The following PCDHA2 variants were observed in gnomAD, a reference collection of about 807,000 sequenced individuals.
PCDHA2 encodes the protein protocadherin alpha 2, also known as protocadherin alpha-2.
PCDHA2 carries 58 observed loss-of-function variants against 66.0 expected under a neutral mutation model. The observed-to-expected ratio is 0.88, with a 90% CI of 0.71 to 1.09. The LOEUF (loss-of-function observed/expected upper bound fraction) is 1.09, where lower values mean the gene tolerates loss of function less well. Ranked by LOEUF, PCDHA2 falls within the 50% of genes least tolerant of loss-of-function variation. The probability of loss-of-function intolerance (pLI) is 0.00; values close to 1 mark genes in which losing one functional copy is unlikely to be tolerated. For missense variants in PCDHA2, 1,267 were observed against 1,242.3 expected (o/e 1.02, Z -0.30); for synonymous variants, 634 against 554.0 (o/e 1.14, Z -2.03).
intron 1 of PCDHA2, among the ~76,000 whole-genome samples, chr5:140,907,411 G>T (rs1053744231): frequency 6.6e-6 from 1 of 152,192 alleles, no homozygotes; most frequent in Non-Finnish European, 1.5e-5. Flanking sequence ...GGAATACCAC[G>T]ATGGTGGATA....
At chr5:140,819,296 T>C (rs1766529850) in intron 1 of PCDHA2, among the ~76,000 whole-genome samples, 1 of 152,178 alleles carries the variant, frequency 6.6e-6, no homozygotes, top group Non-Finnish European at 1.5e-5. Context: ...ATATAGCTTA[T>C]TAAAATTTTA....
chr5:140,798,771 C>G (rs947635529), intron 1 of PCDHA2, among the ~76,000 whole-genome samples: 7 of 152,128 alleles, frequency 4.6e-5, no homozygotes, highest in Admixed American at 2.6e-4. Flanking sequence ...CTGAACTCGA[C>G]AAGTAAATGT....
In PCDHA2 at chr5:140,807,616, G is replaced by C. The variant is rs113425597; in HGVS notation, c.2388+10264G>C. On this transcript the variant is annotated intron_variant, in intron 1 of 3. Coordinates refer to ENST00000526136, the MANE Select transcript of PCDHA2 (RefSeq NM_018905.3). ...CAACACAAAAGAACCTGTCCATCGC[G>C]GAATCCAGGCCGCTTGACTCTCGGT... 3.0e-3 allele frequency: 4,880 copies of C among 1,614,130 alleles called. 118 individuals carry two copies. The African/African-American group carries it at 0.055, about 18-fold the overall frequency.
At chr5:140,964,378 T>A (rs182628269) in intron 1 of PCDHA2, among the ~76,000 whole-genome samples, 1 of 151,270 alleles carries the variant, frequency 6.6e-6, no homozygotes, top group Non-Finnish European at 1.5e-5. Context: ...GAAAGGAGAG[T>A]CCTGGTTTTT....
At position 140,850,808 on chromosome 5, in the gene PCDHA2, C is replaced by T. The variant is rs2150499098; in HGVS notation, c.2388+53456C>T. 20 of 1,598,280 alleles carry T rather than the reference C, an allele frequency of 1.3e-5. No homozygotes were observed. The South Asian group carries it at 2.2e-4, about 18-fold the overall frequency. On this transcript the variant is annotated intron_variant, in intron 1 of 3. Transcript: ENST00000526136. The stretch of plus-strand genomic sequence containing the variant: ...GTAAGCAGAAGACCGACCTCATGGC[C>T]TTCAGCCCGGGCCTTTCTCCTTGTG...
chr5:140,802,501 T>G, intron 1 of PCDHA2: 1 of 1,614,164 alleles, frequency 6.2e-7, no homozygotes, highest in Non-Finnish European at 8.5e-7. Context: ...TCGCCTTCAC[T>G]GTGGGCCACG....
chr5:140,805,293 A>G, intron 1 of PCDHA2: 1 of 1,272,316 alleles, frequency 7.9e-7, no homozygotes, highest in East Asian at 3.3e-5. Flanking sequence ...ATGGGTGAAA[A>G]TGGAATTCTT....
intron 1 of PCDHA2, chr5:140,810,885 C>T (rs1282140445): frequency 2.6e-5 from 4 of 152,064 alleles, no homozygotes; most frequent in African/African-American, 9.7e-5. Flanking sequence ...GATCCTATTT[C>T]ACAAAGATAA....
intron 1 of PCDHA2, among the ~76,000 whole-genome samples, chr5:140,977,702 A>C (rs1420121979): frequency 1.3e-5 from 2 of 152,190 alleles, no homozygotes; most frequent in African/African-American, 4.8e-5. Context: ...AATCTGTCTG[A>C]ATATTGAGAT....
rs2150119748 is a variant in PCDHA2, at chr5:140,822,840, C to T, written c.2388+25488C>T. 2.5e-5 allele frequency: 40 copies of T among 1,614,188 alleles called. 1 individual carries two copies. The South Asian group carries it at 4.3e-4, about 17-fold the overall frequency. On this transcript the variant is annotated intron_variant, in intron 1 of 3. Transcript: ENST00000526136. ...CAGAGATGGCCATAACCACCCTTTT[C>T]CTGCCTGTCAAAGAGGACGCTCCAC... is the stretch of plus-strand genomic sequence containing the variant.
Position 140,795,835 on chromosome 5 carries a change from A to G in PCDHA2, c.871A>G (p.Thr291Ala), listed in dbSNP as rs1032626475. ...LGSDVSSTIQTKFTIDPISGE... is the reference protein window; with the variant it reads ...LGSDVSSTIQAKFTIDPISGE... ...TAGTGATGTGTCCTCCACTATACAG[A>G]CTAAGTTTACCATAGATCCCATCTC... The change falls in exon 1 of 4, where the codon ACT becomes GCT. Residue 291 changes from threonine to alanine, a missense_variant. By Grantham distance (58) the Thr-to-Ala change is moderately conservative. Coordinates refer to ENST00000526136, the MANE Select transcript of PCDHA2 (RefSeq NM_018905.3). The G allele has an allele frequency of 1.5e-5, 25 of 1,613,802 alleles. No homozygotes were observed. Among genetic ancestry groups the G allele is most frequent in the Non-Finnish European group, 2.0e-5 (24 of 1,179,976 alleles).
chr5:140,796,146 T>C lies in PCDHA2; in HGVS notation c.1182T>C (p.Pro394=). ...CCTGCTCCCTGACGCCCCACGTCCC[T>C]TTCAAGCTGGTGTCCACCTTCAAGA... The part of the protein sequence containing the change: ...HVTCSLTPHV[P]FKLVSTFKNY... Residue 394 remains proline, a synonymous_variant, in exon 1 of 4, where the codon CCT becomes CCC. Transcript: ENST00000526136. 1 of 1,614,244 alleles carries C rather than the reference T, an allele frequency of 6.2e-7. No individual in the cohort carries two copies. The highest frequency in any genetic ancestry group is 1.1e-5 in the South Asian group (1 of 91,088).
intron 1 of PCDHA2, chr5:140,843,383 G>C: frequency 6.3e-7 from 1 of 1,596,120 alleles, no homozygotes; most frequent in African/African-American, 1.3e-5. Context: ...TGGCGTTTTG[G>C]GTCCGGAAGC....
chr5:140,997,221 T>C (rs2097763900), intron 3 of PCDHA2, among the ~76,000 whole-genome samples: 1 of 152,152 alleles, frequency 6.6e-6, no homozygotes, highest in Admixed American at 6.5e-5. Context: ...GAAACTATCA[T>C]TACCACCCAA....
At chr5:140,967,939 C>T in intron 1 of PCDHA2, 1 of 1,614,188 alleles carries the variant, frequency 6.2e-7, no homozygotes, top group Non-Finnish European at 8.5e-7. Context: ...GTGTCAATGA[C>T]CAAGACTCAG....
intron 1 of PCDHA2, among the ~76,000 whole-genome samples, chr5:140,949,692 T>A (rs1563239592): frequency 6.6e-6 from 1 of 151,854 alleles, no homozygotes; most frequent in Non-Finnish European, 1.5e-5. Flanking sequence ...AGCGTATTGT[T>A]GGATCTTGCT....
chr5:141,001,936 C>A (rs1440677153), intron 3 of PCDHA2, among the ~76,000 whole-genome samples: 3 of 151,788 alleles, frequency 2.0e-5, no homozygotes, highest in Non-Finnish European at 2.9e-5. Context: ...GGGTGGTGAG[C>A]GGAAATAAGG....
chr5:140,813,095 G>A (rs1036186093), intron 1 of PCDHA2: 1 of 152,168 alleles, frequency 6.6e-6, no homozygotes, highest in African/African-American at 2.4e-5. Flanking sequence ...GAGTGTGCTT[G>A]AGAAGACTGT....
At chr5:140,864,471 G>A (rs924017911) in intron 1 of PCDHA2, 23 of 152,218 alleles carry the variant, frequency 1.5e-4, no homozygotes, top group African/African-American at 5.3e-4. Context: ...TTTTTGAGAT[G>A]TTGATTGCAG....
Sources: allele counts gnomAD v4.1 joint callset (sites outside exome capture counted in the v4.1 genomes callset), GRCh38; gene constraint gnomAD v4.1.1; transcripts MANE v1.5; gene names NCBI Gene and HGNC (gene_info 2026-07-23, HGNC 2026-07-21).